ZNF804A: variants seen among roughly 807,000 people sequenced by gnomAD.
ZNF804A encodes zinc finger protein 804A.
A neutral mutation model predicts 16.5 loss-of-function variants in ZNF804A; 2 were observed. The observed-to-expected ratio is 0.12, with a 90% CI of 0.05 to 0.38. ZNF804A has a LOEUF of 0.38. Ranked by LOEUF, ZNF804A falls within the 10% of genes least tolerant of loss-of-function variation. The probability of loss-of-function intolerance (pLI) is 0.99; values close to 1 mark genes in which losing one functional copy is unlikely to be tolerated. For synonymous variants in ZNF804A, 534 were observed against 489.6 expected, an observed-to-expected ratio of 1.09 and a Z score of -1.20; for missense variants, 1,473 against 1,390.7, an observed-to-expected ratio of 1.06 and a Z score of -0.94.
intron 1 of ZNF804A, among the ~76,000 whole-genome samples, chr2:184,618,570 A>G (rs1419875870): frequency 6.6e-6 from 1 of 152,118 alleles, no homozygotes; most frequent in Non-Finnish European, 1.5e-5. Context: ...GAACGTTAGC[A>G]TCCTCGGATT....
At chr2:184,672,940 C>T (rs957405494) in intron 1 of ZNF804A, among the ~76,000 whole-genome samples, 1 of 151,968 alleles carries the variant, frequency 6.6e-6, no homozygotes, top group Non-Finnish European at 1.5e-5. Context: ...CGGGGTTTCA[C>T]CATATTGACT....
intron 1 of ZNF804A, among the ~76,000 whole-genome samples, chr2:184,787,661 A>C (rs1694469481): frequency 6.6e-6 from 1 of 151,822 alleles, no homozygotes. Flanking sequence ...TTCTTTTGAG[A>C]GATATCTGTT....
At chr2:184,826,388 A>G (rs1695169541) in intron 1 of ZNF804A, among the ~76,000 whole-genome samples, 1 of 152,074 alleles carries the variant, frequency 6.6e-6, no homozygotes, top group Non-Finnish European at 1.5e-5. Flanking sequence ...AGATCTTCCT[A>G]CAGTTCTTAT....
intron 2 of ZNF804A, among the ~76,000 whole-genome samples, chr2:184,897,422 C>CT (rs1685087172): frequency 6.6e-6 from 1 of 150,540 alleles, no homozygotes; most frequent in African/African-American, 2.4e-5. Context: ...TTTTCCCCCC[C>CT]TTTTTTCCCC....
At chr2:184,842,540 T>C (rs1695453928) in intron 1 of ZNF804A, among the ~76,000 whole-genome samples, 1 of 152,050 alleles carries the variant, frequency 6.6e-6, no homozygotes, top group African/African-American at 2.4e-5. Flanking sequence ...AAAGGAAATT[T>C]ATGATTTTAG....
intron 1 of ZNF804A, among the ~76,000 whole-genome samples, chr2:184,819,911 T>C (rs1695045269): frequency 6.6e-6 from 1 of 151,968 alleles, no homozygotes; most frequent in Admixed American, 6.6e-5. Flanking sequence ...AGTTCTGAAA[T>C]TAAGGCAGTA....
intron 1 of ZNF804A, among the ~76,000 whole-genome samples, chr2:184,825,584 A>G (rs954680851): frequency 3.9e-5 from 6 of 152,064 alleles, no homozygotes; most frequent in Non-Finnish European, 7.4e-5. Flanking sequence ...TTATATCTCA[A>G]AATGCTCATA....
intron 1 of ZNF804A, among the ~76,000 whole-genome samples, chr2:184,708,642 C>G (rs1693072987): frequency 1.3e-5 from 2 of 151,922 alleles, no homozygotes. Flanking sequence ...TATTATATTG[C>G]CATATACAAA....
At chr2:184,659,093 A>G (rs148993723) in intron 1 of ZNF804A, among the ~76,000 whole-genome samples, 1,841 of 152,310 alleles carry the variant, frequency 0.012, 17 homozygotes, top group Middle Eastern at 0.031. Context: ...CAAACTAAGA[A>G]TAAATAGCTT....
intron 1 of ZNF804A, among the ~76,000 whole-genome samples, chr2:184,785,322 A>C (rs1410218630): frequency 1.3e-5 from 2 of 152,068 alleles, no homozygotes; most frequent in African/African-American, 4.8e-5. Flanking sequence ...TTCAAGTCTA[A>C]ATACTCTGTG....
intron 1 of ZNF804A, among the ~76,000 whole-genome samples, chr2:184,645,327 T>C (rs1691853698): frequency 6.6e-6 from 1 of 152,142 alleles, no homozygotes; most frequent in South Asian, 2.1e-4. Flanking sequence ...TTTTCTATTT[T>C]ACATTGATGA....
At chr2:184,934,593 G>T (rs1011025110) in intron 3 of ZNF804A, among the ~76,000 whole-genome samples, 1 of 151,994 alleles carries the variant, frequency 6.6e-6, no homozygotes, top group African/African-American at 2.4e-5. Context: ...ACACTAATCA[G>T]ATATGTTTAC....
intron 1 of ZNF804A, among the ~76,000 whole-genome samples, chr2:184,736,359 T>C (rs1693612920): frequency 6.6e-6 from 1 of 152,106 alleles, no homozygotes; most frequent in Non-Finnish European, 1.5e-5. Context: ...ATGGAGGCAA[T>C]AGAAAATAAG....
chr2:184,672,752 C>A (rs1161175471), intron 1 of ZNF804A, among the ~76,000 whole-genome samples: 2 of 119,396 alleles, frequency 1.7e-5, no homozygotes, highest in Non-Finnish European at 3.8e-5. Flanking sequence ...TTTTTCTTTT[C>A]TTTTTCTTTT....
At chr2:184,878,247 G>A (rs1684743014) in intron 2 of ZNF804A, among the ~76,000 whole-genome samples, 1 of 152,066 alleles carries the variant, frequency 6.6e-6, no homozygotes, top group Non-Finnish European at 1.5e-5. Context: ...ACAAAGAAAT[G>A]CAGGTAGATT....
Position 184,936,795 on chromosome 2 carries a change from A to C in ZNF804A, c.1399A>C (p.Thr467Pro). Residue 467 changes from threonine to proline, a missense_variant, in exon 4 of 4, where the codon ACT (threonine) becomes CCT (proline). Thr to Pro is a conservative substitution (Grantham distance 38, BLOSUM62 -1). Transcript: ENST00000302277. ...TCCTCTATGTTTTGACTTCAAGTCT[A>C]CTAAAGTAAATAATAATCTAGATAA... Reference protein sequence around the residue: ...CNPLCFDFKSTKVNNNLDKNK... With the variant: ...CNPLCFDFKSPKVNNNLDKNK... 6.2e-7 allele frequency: 1 copy of C among 1,613,622 alleles called. No individual in the cohort carries two copies. The highest frequency in any genetic ancestry group is 1.3e-5 in the African/African-American group (1 of 75,024).
chr2:184,693,827 A>G (rs986571828), intron 1 of ZNF804A, among the ~76,000 whole-genome samples: 3 of 151,984 alleles, frequency 2.0e-5, no homozygotes, highest in Non-Finnish European at 2.9e-5. Context: ...GTCAGTGAAC[A>G]TCAGCATAAA....
At chr2:184,881,540 T>C (rs780194464) in intron 2 of ZNF804A, among the ~76,000 whole-genome samples, 9 of 152,070 alleles carry the variant, frequency 5.9e-5, no homozygotes, top group Admixed American at 2.6e-4. Flanking sequence ...AGTTCACTTA[T>C]AATGGAAGCC....
intron 2 of ZNF804A, among the ~76,000 whole-genome samples, chr2:184,881,964 G>A (rs1684815841): frequency 6.6e-6 from 1 of 151,938 alleles, no homozygotes; most frequent in African/African-American, 2.4e-5. Context: ...ATGTAAATAG[G>A]TTAAATGCCC....
Sources: allele counts gnomAD v4.1 joint callset (sites outside exome capture counted in the v4.1 genomes callset), GRCh38; gene constraint gnomAD v4.1.1; transcripts MANE v1.5; gene names NCBI Gene and HGNC (gene_info 2026-07-23, HGNC 2026-07-21).